Variants in CSGALNACT2 observed in about 807,000 individuals in gnomAD.
CSGALNACT2 encodes the protein beta 4 GalNAcT-2.
Under a neutral mutation model 55.3 loss-of-function variants are expected in CSGALNACT2, and 35 were observed. The ratio of observed to expected loss-of-function variants is 0.63; its 90% CI spans 0.48 to 0.84. The LOEUF (loss-of-function observed/expected upper bound fraction) is 0.84. CSGALNACT2 is among the 40% of genes least tolerant of loss of function. The pLI is 0.00. For synonymous variants in CSGALNACT2, 196 were observed against 224.9 expected (o/e 0.87, Z 1.15); for missense variants, 544 against 657.5 (o/e 0.83, Z 1.89).
chr10:43,161,736 T>C (rs948660361), intron 4 of CSGALNACT2, among the ~76,000 whole-genome samples: 3 of 152,230 alleles, frequency 2.0e-5, no homozygotes, highest in African/African-American at 7.2e-5. Context: ...TGGGCATGAC[T>C]TCTGAGAGCC....
intron 7 of CSGALNACT2, among the ~76,000 whole-genome samples, chr10:43,180,364 A>C (rs1012032342): frequency 1.3e-5 from 2 of 151,998 alleles, no homozygotes; most frequent in African/African-American, 2.4e-5. Context: ...CCTCAAGCTC[A>C]GAGATTGTTT....
chr10:43,165,082 G>A (rs998776580), intron 5 of CSGALNACT2, among the ~76,000 whole-genome samples: 1 of 152,120 alleles, frequency 6.6e-6, no homozygotes, highest in African/African-American at 2.4e-5. Context: ...AAAATTATCC[G>A]GTCGTGGTGG....
intron 7 of CSGALNACT2, among the ~76,000 whole-genome samples, chr10:43,177,459 C>A (rs1839503054): frequency 6.6e-6 from 1 of 152,186 alleles, no homozygotes; most frequent in Non-Finnish European, 1.5e-5. Context: ...TAGGCATCTA[C>A]TGGTCTACTT....
intron 6 of CSGALNACT2, among the ~76,000 whole-genome samples, chr10:43,168,929 A>G (rs1268212751): frequency 2.0e-5 from 3 of 152,208 alleles, no homozygotes; most frequent in Admixed American, 6.5e-5. Flanking sequence ...GAGAGAACAG[A>G]CTAGAATGTG....
chr10:43,141,665 A>G (rs1044058594), intron 1 of CSGALNACT2, among the ~76,000 whole-genome samples: 3 of 150,410 alleles, frequency 2.0e-5, no homozygotes, highest in Non-Finnish European at 4.4e-5. Context: ...AGTGGGAAAG[A>G]CTACCCATGA....
chr10:43,154,884 C>A lies in CSGALNACT2; in HGVS notation c.-253-13C>A, dbSNP rs1052736833. ...GAACAAAATTCTGATTGATTCTGAT[C>A]TGTGTCTTTCAGAAAAATCACTACC... On this transcript the variant is annotated splice_polypyrimidine_tract_variant and intron_variant, in intron 1 of 7. Transcript: ENST00000374466. The A allele has an allele frequency of 6.5e-5, 27 of 418,546 alleles. No homozygotes were observed. The highest frequency in any genetic ancestry group is 6.5e-4 in the Middle Eastern group (1 of 1,544). 25.9% of individuals were successfully genotyped at this position (418,546 alleles called of 1,614,324 possible). A position where few individuals can be genotyped will look rare whatever the true frequency, so the allele number is the denominator to read the frequency against.
chr10:43,167,133 T>TAAACATCTAGA, intron 6 of CSGALNACT2, 35 bp downstream of exon 6: 2 of 1,307,984 alleles, frequency 1.5e-6, no homozygotes, highest in Non-Finnish European at 2.2e-6. Flanking sequence ...TGAAAGACTC[T>TAAACATCTAGA]AAAGATCTTT....
At chr10:43,176,293 A>C (rs978733725) in intron 7 of CSGALNACT2, among the ~76,000 whole-genome samples, 2 of 152,202 alleles carry the variant, frequency 1.3e-5, no homozygotes, top group African/African-American at 4.8e-5. Flanking sequence ...TATCTGTTTA[A>C]CTTGTTACCC....
chr10:43,141,934 G>A (rs907709779), intron 1 of CSGALNACT2, among the ~76,000 whole-genome samples: 6 of 152,130 alleles, frequency 3.9e-5, no homozygotes, highest in African/African-American at 1.4e-4. Context: ...TGCCTTTTCT[G>A]AGAGCTTATG....
intron 1 of CSGALNACT2, among the ~76,000 whole-genome samples, chr10:43,152,820 C>A (rs781140675): frequency 1.3e-5 from 2 of 151,950 alleles, no homozygotes; most frequent in Non-Finnish European, 2.9e-5. Flanking sequence ...ATTTTCAGTT[C>A]TTTTTCCTAA....
Position 43,183,247 on chromosome 10 carries a change from C to A in CSGALNACT2, c.1337-3C>A. 6.2e-7 allele frequency: 1 copy of A among 1,608,698 alleles called. No homozygotes were observed. The highest frequency in any genetic ancestry group is 8.5e-7 in the Non-Finnish European group (1 of 1,175,110). On this transcript the variant is annotated splice_polypyrimidine_tract_variant and splice_region_variant and intron_variant, in intron 7 of 7. Coordinates refer to ENST00000374466, the MANE Select transcript of CSGALNACT2 (RefSeq NM_018590.5). The stretch of plus-strand genomic sequence containing the variant: ...ATTTATAGTGTCAATTTTGATCTTA[C>A]AGGTGGATTTGACATGGAAGTGAAA...
At chr10:43,176,135 G>A in intron 7 of CSGALNACT2, 103 bp downstream of exon 7, 2 of 814,078 alleles carry the variant, frequency 2.5e-6, no homozygotes, top group South Asian at 2.0e-5. Flanking sequence ...TAAAGTATGA[G>A]TGTCTAAGGT....
intron 7 of CSGALNACT2, among the ~76,000 whole-genome samples, chr10:43,176,282 AT>A (rs547211052): frequency 1.4e-3 from 211 of 152,332 alleles, no homozygotes; most frequent in African/African-American, 4.7e-3. Flanking sequence ...GTTTTTAAAA[AT>A]ATCTGTTTAA....
At chr10:43,140,549 G>A (rs1363403356) in intron 1 of CSGALNACT2, among the ~76,000 whole-genome samples, 1 of 152,196 alleles carries the variant, frequency 6.6e-6, no homozygotes, top group Non-Finnish European at 1.5e-5. Context: ...TTGTTTAACT[G>A]TTAGACAAGT....
chr10:43,166,476 G>C (rs529466484), intron 5 of CSGALNACT2, among the ~76,000 whole-genome samples: 90 of 152,186 alleles, frequency 5.9e-4, no homozygotes, highest in African/African-American at 1.8e-3. Context: ...CTTCTCCAAG[G>C]GCTATTATAT....
rs147881170 is a variant in CSGALNACT2 at position 43,180,902 on chromosome 10, C to A, written c.1337-2348C>A. ...CTCTAGTTGGGTAGATTTCTTCCTC[C>A]AAGTCAGTTAGGCACTGATAAAACC... On this transcript the variant is annotated intron_variant, in intron 7 of 7. Transcript: ENST00000374466. Among the ~76,000 whole-genome samples the A allele has an allele frequency of 3.5e-3, 527 of 152,310 alleles. 1 individual carries two copies. Among genetic ancestry groups the A allele is most frequent in the African/African-American group, 0.012 (485 of 41,562 alleles).
chr10:43,143,141 A>G (rs1167011641), intron 1 of CSGALNACT2, among the ~76,000 whole-genome samples: 1 of 152,258 alleles, frequency 6.6e-6, no homozygotes, highest in Non-Finnish European at 1.5e-5. Flanking sequence ...CTTTGAATTC[A>G]GGCCATCTGG....
At chr10:43,169,820 C>G in intron 6 of CSGALNACT2, among the ~76,000 whole-genome samples, 1 of 152,182 alleles carries the variant, frequency 6.6e-6, no homozygotes, top group East Asian at 1.9e-4. Flanking sequence ...GAGTGACAAT[C>G]AGATTGGCAT....
chr10:43,162,174 A>G (rs777173386), intron 4 of CSGALNACT2: 5 of 519,008 alleles, frequency 9.6e-6, no homozygotes, highest in African/African-American at 1.9e-5. Context: ...TTTTCTCTGC[A>G]TGTTGACTTC....
Sources: gnomAD v4.1 joint callset for allele counts (sites outside exome capture counted in the v4.1 genomes callset) on GRCh38, gnomAD v4.1.1 for gene constraint, MANE v1.5 for transcripts, NCBI Gene and HGNC (gene_info 2026-07-23, HGNC 2026-07-21) for gene names.